The following SDK1 variants were observed in gnomAD, a reference collection of about 807,000 sequenced individuals.
SDK1 encodes the protein sidekick cell adhesion molecule 1.
In SDK1, 157 loss-of-function variants were observed where a neutral mutation model predicts 245.5. That is an observed-to-expected ratio of 0.64 (90% CI 0.56 to 0.73). The LOEUF is 0.73. SDK1 is among the 30% of genes least tolerant of loss of function. The probability of loss-of-function intolerance (pLI) is 0.00; values close to 1 mark genes in which losing one functional copy is unlikely to be tolerated. For missense variants in SDK1, 3,583 were observed against 3,002.3 expected, an observed-to-expected ratio of 1.19 and a Z score of -4.52; for synonymous variants, 1,647 against 1,278.5, an observed-to-expected ratio of 1.29 and a Z score of -6.15.
At chr7:4,024,442 G>T (rs1447450440) in intron 17 of SDK1, among the ~76,000 whole-genome samples, 1 of 152,230 alleles carries the variant, frequency 6.6e-6, no homozygotes, top group Non-Finnish European at 1.5e-5. Context: ...GATTCTCCCA[G>T]CGTTGCCTAA....
chr7:3,842,506 T>G (rs1195404191), intron 5 of SDK1, among the ~76,000 whole-genome samples: 3 of 152,084 alleles, frequency 2.0e-5, no homozygotes, highest in Admixed American at 6.5e-5. Flanking sequence ...CATGGTGAAT[T>G]GGTGCCAGTG....
chr7:3,622,440 C>A (rs1458195667), intron 2 of SDK1, among the ~76,000 whole-genome samples: 1 of 152,166 alleles, frequency 6.6e-6, no homozygotes, highest in Non-Finnish European at 1.5e-5. Context: ...AGGATCGCAC[C>A]ACTGCACTCC....
At chr7:3,380,171 C>G (rs574828782) in intron 1 of SDK1, among the ~76,000 whole-genome samples, 29 of 152,162 alleles carry the variant, frequency 1.9e-4, no homozygotes, top group African/African-American at 6.0e-4. Flanking sequence ...TGATGTTTAT[C>G]TTATGGTTTG....
At chr7:3,585,870 A>G (rs1284571428) in intron 1 of SDK1, among the ~76,000 whole-genome samples, 1 of 152,162 alleles carries the variant, frequency 6.6e-6, no homozygotes, top group Non-Finnish European at 1.5e-5. Flanking sequence ...TTTTCCAAGA[A>G]GGGAGGGAAA....
chr7:4,205,308 C>G (rs1784154890), intron 35 of SDK1, among the ~76,000 whole-genome samples: 1 of 152,180 alleles, frequency 6.6e-6, no homozygotes, highest in African/African-American at 2.4e-5. Flanking sequence ...GGGAACACAG[C>G]TATCTTTTCT....
intron 1 of SDK1, among the ~76,000 whole-genome samples, chr7:3,572,569 C>A (rs1780150206): frequency 6.6e-6 from 1 of 152,068 alleles, no homozygotes; most frequent in Non-Finnish European, 1.5e-5. Flanking sequence ...AGCAAATCGT[C>A]TCACTGTGTG....
At chr7:3,953,030 C>T (rs1438654237) in intron 7 of SDK1, among the ~76,000 whole-genome samples, 1 of 151,978 alleles carries the variant, frequency 6.6e-6, no homozygotes, top group South Asian at 2.1e-4. Context: ...CCTTAGAGGC[C>T]GCCTCTAGGA....
rs1788124000 is a variant in SDK1 at position 4,035,146 on chromosome 7, T to C, written c.2603-14202T>C. ...AGCACGTACCACCATGCCCAGCTATTTTTTTTTTTCTTATCTTTAGTAGAG... is the reference window on the plus strand; with the variant it reads ...AGCACGTACCACCATGCCCAGCTATCTTTTTTTTTCTTATCTTTAGTAGAG... On this transcript the variant is annotated intron_variant, in intron 17 of 44. Transcript: ENST00000404826. Among the ~76,000 whole-genome samples the C allele has an allele frequency of 2.0e-5, 3 of 149,860 alleles. No homozygotes were observed. In the South Asian group the frequency reaches 6.4e-4, roughly 32 times the overall value.
chr7:4,175,440 C>G lies in SDK1; in HGVS notation c.4937-335C>G, dbSNP rs562378360. Among the ~76,000 whole-genome samples, 10 of 152,344 alleles carry G rather than the reference C, an allele frequency of 6.6e-5. No individual in the cohort carries two copies. In the East Asian group the frequency reaches 1.5e-3, roughly 24 times the overall value. ...CCTGCGTGAGCATGAGTCAGCTGCA[C>G]CTGCCCCGGGGTGACCGGGAGAAAA... On this transcript the variant is annotated intron_variant, in intron 33 of 44. Coordinates refer to ENST00000404826, the MANE Select transcript of SDK1 (RefSeq NM_152744.4).
At chr7:3,560,987 T>G (rs1386791012) in intron 1 of SDK1, among the ~76,000 whole-genome samples, 1 of 152,216 alleles carries the variant, frequency 6.6e-6, no homozygotes, top group Non-Finnish European at 1.5e-5. Context: ...CATAAGGTCC[T>G]TTCTCACATT....
At chr7:3,770,953 C>T (rs1291218992) in intron 4 of SDK1, among the ~76,000 whole-genome samples, 2 of 152,168 alleles carry the variant, frequency 1.3e-5, no homozygotes. Flanking sequence ...AGCCAGTTTT[C>T]CTGCTTATTC....
intron 4 of SDK1, among the ~76,000 whole-genome samples, chr7:3,742,153 C>G (rs532713199): frequency 1.3e-5 from 2 of 150,790 alleles, no homozygotes; most frequent in South Asian, 4.2e-4. Flanking sequence ...TTTTTTACCC[C>G]CATTTCTTTG....
intron 4 of SDK1, among the ~76,000 whole-genome samples, chr7:3,712,218 C>T (rs181112531): frequency 4.0e-4 from 61 of 152,252 alleles, no homozygotes; most frequent in Non-Finnish European, 7.4e-4. Flanking sequence ...CCTGCCTGAG[C>T]CCCACCTCCT....
intron 1 of SDK1, among the ~76,000 whole-genome samples, chr7:3,317,445 C>G (rs1390956373): frequency 6.6e-6 from 1 of 152,068 alleles, no homozygotes; most frequent in East Asian, 1.9e-4. Flanking sequence ...CTTTTCCTTT[C>G]CCTGTTTCCT....
rs1780467775 is a variant in SDK1, at chr7:3,580,993, AAC to A, written c.299-38086_299-38085del. On this transcript the variant is annotated intron_variant, in intron 1 of 44. Transcript: ENST00000404826. ...CAAAAAAAAAAAAAAAAAAAAAAAA[AAC>A]CAAAACAAAACCCTGGAAGACAATC... is the stretch of plus-strand genomic sequence containing the variant. Among the ~76,000 whole-genome samples, 10 of 135,780 alleles carry A rather than the reference AAC, an allele frequency of 7.4e-5. 2 individuals carry two copies. The highest frequency in any genetic ancestry group is 1.3e-4 in the Non-Finnish European group (8 of 63,292). 89.1% of individuals were successfully genotyped at this position (135,780 alleles called of 152,430 possible).
At chr7:3,730,901 C>G (rs888001474) in intron 4 of SDK1, among the ~76,000 whole-genome samples, 1 of 152,084 alleles carries the variant, frequency 6.6e-6, no homozygotes, top group Non-Finnish European at 1.5e-5. Flanking sequence ...TGCCATCAGT[C>G]TTTTTGGAAT....
At chr7:3,443,405 C>T (rs1026389452) in intron 1 of SDK1, among the ~76,000 whole-genome samples, 1 of 152,114 alleles carries the variant, frequency 6.6e-6, no homozygotes, top group Non-Finnish European at 1.5e-5. Flanking sequence ...GACTAGAATC[C>T]AAATTCAAGA....
intron 4 of SDK1, among the ~76,000 whole-genome samples, chr7:3,749,170 T>G (rs1312331973): frequency 6.6e-6 from 1 of 151,966 alleles, no homozygotes; most frequent in Non-Finnish European, 1.5e-5. Context: ...GGAGTCTCGC[T>G]CTGTCACCTA....
intron 19 of SDK1, among the ~76,000 whole-genome samples, chr7:4,053,555 C>T (rs1779018242): frequency 6.6e-6 from 1 of 152,136 alleles, no homozygotes; most frequent in Non-Finnish European, 1.5e-5. Flanking sequence ...TGTGCTGCCC[C>T]TGGAGCTGCC....
Sources: gnomAD v4.1 joint callset for allele counts (sites outside exome capture counted in the v4.1 genomes callset) on GRCh38, gnomAD v4.1.1 for gene constraint, MANE v1.5 for transcripts, NCBI Gene and HGNC (gene_info 2026-07-23, HGNC 2026-07-21) for gene names.